MAF: variants seen among roughly 807,000 people sequenced by gnomAD.
MAF encodes MAF bZIP transcription factor.
A neutral mutation model predicts 22.0 loss-of-function variants in MAF; 10 were observed. That is an observed-to-expected ratio of 0.45 (90% confidence interval 0.28 to 0.77). MAF has a LOEUF of 0.77. Among genes scored for constraint, MAF ranks in the 30% least tolerant of loss-of-function variants. The pLI is 0.12. For synonymous variants in MAF, 337 were observed against 255.8 expected (o/e 1.32, Z -3.03); for missense variants, 544 against 548.4 (o/e 0.99, Z 0.08).
At chr16:79,221,352 T>C in the MAF span, among the ~76,000 whole-genome samples, 1 of 152,202 alleles carries the variant, frequency 6.6e-6, no homozygotes, top group African/African-American at 2.4e-5. Flanking sequence ...TCAGTCATGT[T>C]ACCGTTTTCT....
chr16:79,383,708 T>C, the MAF span, among the ~76,000 whole-genome samples: 1 of 152,172 alleles, frequency 6.6e-6, no homozygotes, highest in African/African-American at 2.4e-5. Flanking sequence ...GAACCCTGTG[T>C]TTACGCTGGT....
the MAF span, among the ~76,000 whole-genome samples, chr16:79,569,425 T>A: frequency 0.13 from 19,498 of 152,192 alleles, 1,485 homozygotes; most frequent in East Asian, 0.31. Context: ...GATGTGGTCT[T>A]TAACTCCTCT....
chr16:79,360,428 C>T, the MAF span, among the ~76,000 whole-genome samples: 23 of 152,298 alleles, frequency 1.5e-4, no homozygotes, highest in Admixed American at 1.3e-3. Context: ...AATCCCAGCT[C>T]TACCACTCAT....
At chr16:79,217,816 G>A in the MAF span, among the ~76,000 whole-genome samples, 1 of 152,012 alleles carries the variant, frequency 6.6e-6, no homozygotes, top group African/African-American at 2.4e-5. Context: ...ACTGAAGGCT[G>A]TGGCTTGTGG....
the MAF span, among the ~76,000 whole-genome samples, chr16:79,335,039 G>C: frequency 2.0e-5 from 3 of 151,962 alleles, no homozygotes; most frequent in Admixed American, 1.3e-4. Context: ...ACAAAAATTT[G>C]CTGGGCATGG....
chr16:79,459,729 T>C, the MAF span, among the ~76,000 whole-genome samples: 1 of 152,026 alleles, frequency 6.6e-6, no homozygotes, highest in Non-Finnish European at 1.5e-5. Context: ...CGCACCACCA[T>C]GCCTGGCTAA....
chr16:79,469,436 T>C, the MAF span, among the ~76,000 whole-genome samples: 1 of 152,178 alleles, frequency 6.6e-6, no homozygotes, highest in South Asian at 2.1e-4. Context: ...AAGCAAGTAG[T>C]TACCTCTCTG....
At chr16:79,232,052 G>T in the MAF span, among the ~76,000 whole-genome samples, 16 of 151,956 alleles carry the variant, frequency 1.1e-4, no homozygotes, top group Non-Finnish European at 1.9e-4. Flanking sequence ...TAGGACAGGA[G>T]GTGGAGCTCA....
the MAF span, among the ~76,000 whole-genome samples, chr16:79,373,648 G>T: frequency 6.6e-6 from 1 of 151,970 alleles, no homozygotes; most frequent in Non-Finnish European, 1.5e-5. Context: ...AAAGTGCTGG[G>T]ATTACAGGTG....
At chr16:79,551,976 A>ATT in the MAF span, among the ~76,000 whole-genome samples, 17 of 151,424 alleles carry the variant, frequency 1.1e-4, no homozygotes, top group Non-Finnish European at 2.4e-4. Flanking sequence ...CACAGCTGTG[A>ATT]TTTTTTTTTA....
the MAF span, among the ~76,000 whole-genome samples, chr16:79,273,732 A>G: frequency 6.6e-6 from 1 of 152,122 alleles, no homozygotes; most frequent in Non-Finnish European, 1.5e-5. Context: ...AATTATGCCC[A>G]CCCAGATAGT....
At chr16:79,432,040 C>A in the MAF span, among the ~76,000 whole-genome samples, 1 of 152,114 alleles carries the variant, frequency 6.6e-6, no homozygotes, top group East Asian at 1.9e-4. Flanking sequence ...GTGTCCTCAC[C>A]AGAAATCTCA....
chr16:79,388,734 G>T, the MAF span, among the ~76,000 whole-genome samples: 7 of 152,172 alleles, frequency 4.6e-5, no homozygotes, highest in Non-Finnish European at 1.0e-4. Context: ...CTATCTCCAA[G>T]AAAAAGGATG....
At chr16:79,344,471 G>C in the MAF span, among the ~76,000 whole-genome samples, 2 of 152,126 alleles carry the variant, frequency 1.3e-5, no homozygotes, top group African/African-American at 4.8e-5. Flanking sequence ...ACTATGCTTG[G>C]ACAACAGCAT....
chr16:79,345,475 G>A, the MAF span, among the ~76,000 whole-genome samples: 1 of 152,068 alleles, frequency 6.6e-6, no homozygotes, highest in Admixed American at 6.6e-5. Context: ...CCTCATGCCT[G>A]TGAGAAATTT....
the MAF span, among the ~76,000 whole-genome samples, chr16:79,411,962 G>C: frequency 6.6e-6 from 1 of 152,294 alleles, no homozygotes; most frequent in South Asian, 2.1e-4. Context: ...AGCTCCATAA[G>C]TGGCAGTAGT....
the MAF span, among the ~76,000 whole-genome samples, chr16:79,249,858 C>T: frequency 6.6e-6 from 1 of 151,870 alleles, no homozygotes; most frequent in Non-Finnish European, 1.5e-5. Context: ...TTTTATATTC[C>T]TTGAGTCTGT....
the MAF span, among the ~76,000 whole-genome samples, chr16:79,553,226 C>T: frequency 1.5e-4 from 23 of 152,252 alleles, no homozygotes; most frequent in Non-Finnish European, 2.2e-4. Context: ...GAATGGCAGC[C>T]GTTCCTCAAG....
chr16:79,459,838 A>G, the MAF span, among the ~76,000 whole-genome samples: 1 of 152,178 alleles, frequency 6.6e-6, no homozygotes, highest in Non-Finnish European at 1.5e-5. Flanking sequence ...TGCTGGGATT[A>G]CAGGCATGAG....
Sources: allele counts gnomAD v4.1 joint callset (sites outside exome capture counted in the v4.1 genomes callset), GRCh38; gene constraint gnomAD v4.1.1; transcripts MANE v1.5; gene names NCBI Gene and HGNC (gene_info 2026-07-23, HGNC 2026-07-21).